The following DNAH11 variants were observed in gnomAD, a reference collection of about 807,000 sequenced individuals.
DNAH11 encodes axonemal beta dynein heavy chain 11.
DNAH11 carries 442 observed loss-of-function variants against 526.0 expected under a neutral mutation model. The observed-to-expected ratio is 0.84, with a 90% CI of 0.78 to 0.91. The LOEUF (loss-of-function observed/expected upper bound fraction) is 0.91, where lower values mean the gene tolerates loss of function less well. Among genes scored for constraint, DNAH11 ranks in the 40% least tolerant of loss-of-function variants. The pLI is 0.00. For missense variants in DNAH11, 6,989 were observed against 5,448.7 expected (o/e 1.28, Z -8.90); for synonymous variants, 2,461 against 1,935.9 (o/e 1.27, Z -7.12).
chr7:21,600,982 G>A (rs368921812), intron 16 of DNAH11, 28 bp from the exon 17 acceptor site: 12 of 1,609,828 alleles, frequency 7.5e-6, no homozygotes, highest in African/African-American at 2.7e-5. Flanking sequence ...TCACTGAGTT[G>A]TTCTAATTAA....
intron 62 of DNAH11, among the ~76,000 whole-genome samples, chr7:21,804,713 G>T (rs1435561979): frequency 6.6e-6 from 1 of 151,950 alleles, no homozygotes; most frequent in African/African-American, 2.4e-5. Flanking sequence ...TACCATGCTG[G>T]TCCAGGCTGT....
chr7:21,610,013 G>C (rs1976885), intron 20 of DNAH11, among the ~76,000 whole-genome samples: 71,991 of 151,940 alleles, frequency 0.47, 18,037 homozygotes, highest in East Asian at 0.79. Context: ...CCAGCACTTT[G>C]GGAGGCTGAG....
chr7:21,554,266 C>G (rs1285287436), intron 2 of DNAH11, among the ~76,000 whole-genome samples: 1 of 151,322 alleles, frequency 6.6e-6, no homozygotes, highest in Non-Finnish European at 1.5e-5. Flanking sequence ...CTCCACCTCC[C>G]AGGTTTAAGT....
At chr7:21,595,430 G>T (rs935179738) in intron 14 of DNAH11, among the ~76,000 whole-genome samples, 3 of 152,238 alleles carry the variant, frequency 2.0e-5, no homozygotes, top group Non-Finnish European at 4.4e-5. Context: ...CAGTGAAAGT[G>T]ATTAGAAGTA....
chr7:21,884,430 A>G lies in DNAH11; in HGVS notation c.12507+20A>G. ...TCTCTGGTAAGACATTTGTAAATTA[A>G]TTTGTAAATAAATTTCACTGAGCAA... On this transcript the variant is annotated intron_variant, in intron 76 of 81. Transcript: ENST00000409508. 6.3e-7 allele frequency: 1 copy of G among 1,584,830 alleles called. No individual in the cohort carries two copies. The highest frequency in any genetic ancestry group is 8.6e-7 in the Non-Finnish European group (1 of 1,168,122).
In DNAH11 at chr7:21,901,646, T is replaced by TA. The variant is rs537857378; in HGVS notation, c.*392_*393insA. 334 of 158,508 alleles carry TA rather than the reference T, an allele frequency of 2.1e-3. 2 individuals are homozygous for TA. The highest frequency in any genetic ancestry group is 2.5e-3 in the Non-Finnish European group (177 of 72,164). The allele number at this position is 158,508 out of a possible 1,614,324, so 9.8% of individuals were successfully genotyped here. On this transcript the variant is annotated 3_prime_UTR_variant, in exon 82 of 82. Coordinates refer to ENST00000409508, the MANE Select transcript of DNAH11 (RefSeq NM_001277115.2). ...AATGCAGCCGGAAAGAACGGAGATT[T>TA]TAATTTTTAACAAACAACAAATTAA... is the stretch of plus-strand genomic sequence containing the variant.
chr7:21,715,198 C>T (rs1233106047), intron 42 of DNAH11, among the ~76,000 whole-genome samples: 4 of 152,192 alleles, frequency 2.6e-5, no homozygotes, highest in African/African-American at 7.2e-5. Flanking sequence ...TGTTCAATTC[C>T]TTCTATCCTA....
At chr7:21,592,065 AACAC>A (rs1027735394) in intron 14 of DNAH11, among the ~76,000 whole-genome samples, 1 of 151,684 alleles carries the variant, frequency 6.6e-6, no homozygotes, top group South Asian at 2.1e-4. Flanking sequence ...ACAGAAAAAA[AACAC>A]ACACACACAC....
chr7:21,666,412 A>G (rs1782422511), intron 30 of DNAH11, among the ~76,000 whole-genome samples: 1 of 152,142 alleles, frequency 6.6e-6, no homozygotes, highest in Non-Finnish European at 1.5e-5. Flanking sequence ...AAATCATCAA[A>G]AGAGAGATAG....
At chr7:21,573,002 C>G (rs12700287) in intron 8 of DNAH11, among the ~76,000 whole-genome samples, 53,210 of 152,046 alleles carry the variant, frequency 0.35, 10,613 homozygotes, top group Non-Finnish European at 0.45. Flanking sequence ...CGCCGCTGAA[C>G]GAGCTAGTGG....
At chr7:21,821,025 G>C (rs193036658) in intron 65 of DNAH11, among the ~76,000 whole-genome samples, 5 of 152,310 alleles carry the variant, frequency 3.3e-5, no homozygotes, top group Non-Finnish European at 5.9e-5. Context: ...ACAGTGGAAA[G>C]AGTGGAGGGG....
chr7:21,596,897 A>C (rs1197658439), intron 14 of DNAH11, among the ~76,000 whole-genome samples: 1 of 152,228 alleles, frequency 6.6e-6, no homozygotes, highest in Non-Finnish European at 1.5e-5. Flanking sequence ...TTGTTTCCAT[A>C]AGTTGGGTCT....
chr7:21,628,174 TAACA>T (rs896292696), intron 25 of DNAH11, among the ~76,000 whole-genome samples: 7 of 152,096 alleles, frequency 4.6e-5, no homozygotes, highest in African/African-American at 1.7e-4. Context: ...TTATCAGTTC[TAACA>T]GTTTTTTTTT....
At chr7:21,805,807 A>G (rs919027420) in intron 62 of DNAH11, among the ~76,000 whole-genome samples, 2 of 152,208 alleles carry the variant, frequency 1.3e-5, no homozygotes, top group African/African-American at 4.8e-5. Flanking sequence ...TATATTTTTA[A>G]AGGATTAATT....
chr7:21,683,686 G>T (rs1284726218), intron 31 of DNAH11, 98 bp from the exon 32 acceptor site: 4 of 1,320,670 alleles, frequency 3.0e-6, no homozygotes, highest in Non-Finnish European at 3.0e-6. Context: ...CTATTTATGA[G>T]AATTTTAGAA....
At chr7:21,642,328 G>A (rs1787166930) in intron 28 of DNAH11, among the ~76,000 whole-genome samples, 1 of 152,072 alleles carries the variant, frequency 6.6e-6, no homozygotes, top group African/African-American at 2.4e-5. Flanking sequence ...GGAGCTAGGG[G>A]CCATTTGAGT....
At chr7:21,792,207 A>T (rs563768770) in intron 61 of DNAH11, among the ~76,000 whole-genome samples, 1 of 152,238 alleles carries the variant, frequency 6.6e-6, no homozygotes, top group African/African-American at 2.4e-5. Flanking sequence ...TCTTAATGAG[A>T]TATATCACAT....
intron 55 of DNAH11, among the ~76,000 whole-genome samples, chr7:21,770,848 C>T (rs1473363647): frequency 3.3e-5 from 5 of 152,098 alleles, no homozygotes; most frequent in Non-Finnish European, 5.9e-5. Context: ...TGGCTCCCTC[C>T]GGAATCTTCT....
At chr7:21,587,443 C>A (rs775006848) in intron 9 of DNAH11, among the ~76,000 whole-genome samples, 1 of 152,020 alleles carries the variant, frequency 6.6e-6, no homozygotes, top group Non-Finnish European at 1.5e-5. Flanking sequence ...TTCAGCCAGG[C>A]CCTGACTCTG....
Sources: allele counts gnomAD v4.1 joint callset (sites outside exome capture counted in the v4.1 genomes callset), GRCh38; gene constraint gnomAD v4.1.1; transcripts MANE v1.5; gene names NCBI Gene and HGNC (gene_info 2026-07-23, HGNC 2026-07-21).